The following EXT2 variants were observed in gnomAD, a reference collection of about 807,000 sequenced individuals.
EXT2 encodes exostosin glycosyltransferase 2.
A neutral mutation model predicts 81.6 loss-of-function variants in EXT2; 53 were observed. That is an observed-to-expected ratio of 0.65 (90% CI 0.52 to 0.82). The LOEUF (loss-of-function observed/expected upper bound fraction) is 0.82. Ranked by LOEUF, EXT2 falls within the 40% of genes least tolerant of loss-of-function variation. The pLI is 0.00. For synonymous variants in EXT2, 320 were observed against 340.0 expected (o/e 0.94, Z 0.65); for missense variants, 774 against 910.2 (o/e 0.85, Z 1.93).
intron 6 of EXT2, 149 bp downstream of exon 6, chr11:44,127,104 G>C (rs2135021339): frequency 9.2e-7 from 1 of 1,082,464 alleles, no homozygotes; most frequent in Non-Finnish European, 1.4e-6. Flanking sequence ...TAGTACACTG[G>C]TCTAGAGCAG....
intron 9 of EXT2, among the ~76,000 whole-genome samples, chr11:44,198,669 C>T (rs1955487454): frequency 1.3e-5 from 2 of 152,186 alleles, no homozygotes; most frequent in South Asian, 4.1e-4. Flanking sequence ...TGATCCTAAT[C>T]CCAGGGACTT....
intron 10 of EXT2, among the ~76,000 whole-genome samples, chr11:44,230,708 C>T (rs1383991229): frequency 2.0e-5 from 3 of 152,146 alleles, no homozygotes; most frequent in East Asian, 3.9e-4. Context: ...AAACATTTCC[C>T]GATATGTTTC....
chr11:44,109,375 A>C, intron 3 of EXT2, 92 bp downstream of exon 3: 1 of 1,121,040 alleles, frequency 8.9e-7, no homozygotes, highest in East Asian at 2.4e-5. Flanking sequence ...CATACTTTGT[A>C]ATCAGAATTG....
intron 10 of EXT2, among the ~76,000 whole-genome samples, chr11:44,214,197 T>C (rs1459795786): frequency 2.0e-5 from 3 of 152,106 alleles, no homozygotes; most frequent in African/African-American, 7.2e-5. Context: ...CACTGCAAGC[T>C]CCGCCTCCCG....
chr11:44,202,653 C>T (rs1955535333), intron 9 of EXT2, among the ~76,000 whole-genome samples: 1 of 152,194 alleles, frequency 6.6e-6, no homozygotes, highest in Non-Finnish European at 1.5e-5. Context: ...TGTAGGTAGA[C>T]ACAGACTTTC....
intron 9 of EXT2, among the ~76,000 whole-genome samples, chr11:44,205,800 C>A (rs1200844571): frequency 6.6e-6 from 1 of 152,190 alleles, no homozygotes; most frequent in African/African-American, 2.4e-5. Flanking sequence ...TCTACAATTA[C>A]ATGATGGACT....
At chr11:44,123,729 A>G (rs1408345285) in intron 4 of EXT2, among the ~76,000 whole-genome samples, 1 of 152,208 alleles carries the variant, frequency 6.6e-6, no homozygotes, top group Non-Finnish European at 1.5e-5. Flanking sequence ...TCAGATTTTC[A>G]GATTTGATAT....
chr11:44,120,574 G>A (rs1052276439), intron 4 of EXT2, among the ~76,000 whole-genome samples: 2 of 152,238 alleles, frequency 1.3e-5, no homozygotes, highest in South Asian at 2.1e-4. Context: ...TGCCAGGGAC[G>A]TGGGAGAAGG....
intron 10 of EXT2, among the ~76,000 whole-genome samples, chr11:44,211,284 C>T (rs1398880525): frequency 6.6e-6 from 1 of 152,146 alleles, no homozygotes; most frequent in East Asian, 1.9e-4. Flanking sequence ...GGGTATATGT[C>T]CAAAGGAATT....
At chr11:44,197,748 T>C (rs986657981) in intron 8 of EXT2, 81 bp from the exon 9 acceptor site, 37 of 1,424,470 alleles carry the variant, frequency 2.6e-5, no homozygotes, top group Admixed American at 6.7e-5. Context: ...AAGCCTGCCA[T>C]GTTTGGGTTT....
intron 10 of EXT2, among the ~76,000 whole-genome samples, chr11:44,224,493 A>C (rs1469798493): frequency 6.6e-6 from 1 of 152,140 alleles, no homozygotes; most frequent in Non-Finnish European, 1.5e-5. Flanking sequence ...AGTGACCCCA[A>C]ATCATTTTTT....
intron 13 of EXT2, among the ~76,000 whole-genome samples, chr11:44,239,629 G>T (rs1956011823): frequency 6.7e-6 from 1 of 149,798 alleles, no homozygotes; most frequent in Admixed American, 6.7e-5. Context: ...CTGACCTCAG[G>T]ATCCGCCCAC....
intron 12 of EXT2, 135 bp from the exon 13 acceptor site, chr11:44,236,158 G>GGTGTGTGTGT: frequency 1.4e-6 from 1 of 709,800 alleles, no homozygotes; most frequent in South Asian, 1.6e-5. Context: ...GGAATGGCGA[G>GGTGTGTGTGT]GTGTGTGTGT....
chr11:44,250,281 C>T lies in EXT2; in HGVS notation c.*5994C>T, dbSNP rs1244220877. Among the ~76,000 whole-genome samples, 1 of 152,182 alleles carries T rather than the reference C, an allele frequency of 6.6e-6. No homozygotes were observed. Among genetic ancestry groups the T allele is most frequent in the Non-Finnish European group, 1.5e-5 (1 of 68,030 alleles). On this transcript the variant is annotated 3_prime_UTR_variant, in exon 14 of 14. Transcript: ENST00000533608. The stretch of plus-strand genomic sequence containing the variant: ...CTGTAAATGAGGATTCCATTAACCC[C>T]ATCTTCTCCAATGTATGGAGGATGC...
chr11:44,227,806 T>A (rs1221594192), intron 10 of EXT2, among the ~76,000 whole-genome samples: 1 of 152,180 alleles, frequency 6.6e-6, no homozygotes, highest in Non-Finnish European at 1.5e-5. Flanking sequence ...TGAGGATCCT[T>A]CACTAGAATG....
intron 6 of EXT2, among the ~76,000 whole-genome samples, chr11:44,129,358 G>A (rs1200592079): frequency 6.6e-6 from 1 of 152,196 alleles, no homozygotes; most frequent in African/African-American, 2.4e-5. Flanking sequence ...ACTCTTTGCT[G>A]TGACTCTGTC....
At chr11:44,199,725 AT>A (rs34973800) in intron 9 of EXT2, among the ~76,000 whole-genome samples, 1 of 151,770 alleles carries the variant, frequency 6.6e-6, no homozygotes, top group African/African-American at 2.4e-5. Context: ...GAAAGGATAC[AT>A]TTTTTTTTCC....
intron 8 of EXT2, among the ~76,000 whole-genome samples, chr11:44,176,983 C>A (rs919341836): frequency 2.7e-5 from 4 of 150,898 alleles, no homozygotes; most frequent in Non-Finnish European, 5.9e-5. Flanking sequence ...GGTGGCCTTG[C>A]AGAGTATTCA....
At chr11:44,130,223 C>T (rs1954472945) in intron 7 of EXT2, 85 bp downstream of exon 7, 2 of 1,057,428 alleles carry the variant, frequency 1.9e-6, no homozygotes, top group African/African-American at 1.6e-5. Context: ...GAGCTGAATG[C>T]CTGAGTGGGG....
Sources: allele counts gnomAD v4.1 joint callset (sites outside exome capture counted in the v4.1 genomes callset), GRCh38; gene constraint gnomAD v4.1.1; transcripts MANE v1.5; gene names NCBI Gene and HGNC (gene_info 2026-07-23, HGNC 2026-07-21).